PCNX1: variants seen among roughly 807,000 people sequenced by gnomAD.
The protein encoded by PCNX1 is pecanex-like protein 1.
In PCNX1, 78 loss-of-function variants were observed where a neutral mutation model predicts 242.2. The ratio of observed to expected loss-of-function variants is 0.32; its 90% CI spans 0.27 to 0.39. The LOEUF (loss-of-function observed/expected upper bound fraction) is 0.39. PCNX1 is among the 10% of genes least tolerant of loss of function. The pLI is 1.00. For missense variants in PCNX1, 2,581 were observed against 2,856.5 expected (o/e 0.90, Z 2.20); for synonymous variants, 1,024 against 1,032.9 (o/e 0.99, Z 0.17).
At position 71,110,579 on chromosome 14, in the gene PCNX1, CT is replaced by C. The variant is rs929796816; in HGVS notation, c.*647del. ...AATAAAATACCATTATTTAAATTGCCTTTGGGATTAGCCCCTTCCCTTTCCT... is the reference window on the plus strand; with the variant it reads ...AATAAAATACCATTATTTAAATTGCCTTGGGATTAGCCCCTTCCCTTTCCT... On this transcript the variant is annotated 3_prime_UTR_variant, in exon 36 of 36. Transcript: ENST00000304743. 1 of 152,784 alleles carries C rather than the reference CT, an allele frequency of 6.5e-6. No individual in the cohort carries two copies. The highest frequency in any genetic ancestry group is 2.4e-5 in the African/African-American group (1 of 41,416). 9.5% of individuals were successfully genotyped at this position (152,784 alleles called of 1,614,324 possible).
At chr14:70,976,520 T>C (rs1385767253) in intron 5 of PCNX1, among the ~76,000 whole-genome samples, 5 of 151,806 alleles carry the variant, frequency 3.3e-5, no homozygotes, top group South Asian at 2.1e-4. Flanking sequence ...CTACAGGCGC[T>C]CGCCACCACG....
chr14:70,991,465 A>G (rs1333930018), intron 7 of PCNX1, among the ~76,000 whole-genome samples: 1 of 152,138 alleles, frequency 6.6e-6, no homozygotes, highest in East Asian at 1.9e-4. Context: ...TGGCCTTTCA[A>G]AGTGCCGGGA....
chr14:70,928,811 A>G (rs1566578099), intron 1 of PCNX1, among the ~76,000 whole-genome samples: 1 of 152,204 alleles, frequency 6.6e-6, no homozygotes, highest in Non-Finnish European at 1.5e-5. Flanking sequence ...TATTTCTTTA[A>G]TATGCATACA....
chr14:70,914,030 C>G (rs565789505), intron 1 of PCNX1, among the ~76,000 whole-genome samples: 1 of 152,202 alleles, frequency 6.6e-6, no homozygotes, highest in East Asian at 1.9e-4. Context: ...AGATATAACT[C>G]TTATGTATTA....
At chr14:71,018,790 A>G (rs1228616489) in intron 11 of PCNX1, among the ~76,000 whole-genome samples, 2 of 152,180 alleles carry the variant, frequency 1.3e-5, no homozygotes, top group Non-Finnish European at 2.9e-5. Context: ...AAACTCCACA[A>G]TTCACTGTAG....
intron 1 of PCNX1, among the ~76,000 whole-genome samples, chr14:70,925,240 C>T (rs1306987838): frequency 6.6e-6 from 1 of 152,200 alleles, no homozygotes; most frequent in African/African-American, 2.4e-5. Context: ...CTGCCTGCTT[C>T]AGCCTCCCAA....
chr14:71,021,449 T>C (rs1044681125), intron 12 of PCNX1, among the ~76,000 whole-genome samples: 2 of 152,184 alleles, frequency 1.3e-5, no homozygotes, highest in Non-Finnish European at 2.9e-5. Flanking sequence ...CAGTGGTTTG[T>C]AGTTCTCCTT....
At chr14:71,049,116 A>G (rs1369188088) in intron 22 of PCNX1, 7 of 895,122 alleles carry the variant, frequency 7.8e-6, no homozygotes, top group Non-Finnish European at 9.4e-6. Context: ...TACTGGTTGG[A>G]AAAAAGTGAA....
intron 6 of PCNX1, among the ~76,000 whole-genome samples, chr14:70,982,654 T>C (rs1170621641): frequency 6.6e-6 from 1 of 152,226 alleles, no homozygotes; most frequent in East Asian, 1.9e-4. Flanking sequence ...AAAATTATCT[T>C]CCTTTACAAC....
rs78279687 is a variant in PCNX1 at position 71,017,239 on chromosome 14, A to G, written c.2997-1770A>G. Among the ~76,000 whole-genome samples, 1,736 of 152,312 alleles carry G rather than the reference A, an allele frequency of 0.011. 150 individuals are homozygous for G. The East Asian group carries it at 0.24, about 21-fold the overall frequency. On this transcript the variant is annotated intron_variant, in intron 11 of 35. Transcript: ENST00000304743. Reference sequence around the variant, plus strand: ...AATAAGTGGAAATTGTAGTTTAGAAACTTTCCCACAAAGAAAACTCTAGGC... The same window carrying G: ...AATAAGTGGAAATTGTAGTTTAGAAGCTTTCCCACAAAGAAAACTCTAGGC...
At chr14:70,999,948 T>A (rs144478267) in intron 8 of PCNX1, among the ~76,000 whole-genome samples, 1 of 152,264 alleles carries the variant, frequency 6.6e-6, no homozygotes, top group East Asian at 1.9e-4. Flanking sequence ...CTGTAAGGGA[T>A]CTTAGAGTTA....
At chr14:71,003,932 C>G (rs1408707302) in intron 8 of PCNX1, among the ~76,000 whole-genome samples, 1 of 152,138 alleles carries the variant, frequency 6.6e-6, no homozygotes, top group Non-Finnish European at 1.5e-5. Flanking sequence ...AAGACTTGTT[C>G]TAAATATTGA....
intron 1 of PCNX1, among the ~76,000 whole-genome samples, chr14:70,931,810 C>CA (rs1450712605): frequency 2.6e-5 from 4 of 152,270 alleles, no homozygotes; most frequent in African/African-American, 9.6e-5. Flanking sequence ...TCAGACCACA[C>CA]AAAGAGAAAC....
chr14:71,032,736 T>TA (rs1030631444), intron 16 of PCNX1, among the ~76,000 whole-genome samples: 1 of 152,234 alleles, frequency 6.6e-6, no homozygotes, highest in Non-Finnish European at 1.5e-5. Flanking sequence ...TAAGAACTGT[T>TA]ACCTGTTCCA....
intron 2 of PCNX1, among the ~76,000 whole-genome samples, chr14:70,949,088 G>GTA (rs549855706): frequency 6.9e-6 from 1 of 145,360 alleles, no homozygotes; most frequent in Admixed American, 6.9e-5. Flanking sequence ...ATATACATGT[G>GTA]TATATATACA....
chr14:70,983,693 A>G (rs1303829354), intron 6 of PCNX1, among the ~76,000 whole-genome samples: 1 of 151,568 alleles, frequency 6.6e-6, no homozygotes, highest in Non-Finnish European at 1.5e-5. Context: ...GATGGAAATT[A>G]TTTTAATTCA....
Position 71,089,212 on chromosome 14 carries a change from A to G in PCNX1, c.5459A>G (p.Tyr1820Cys), listed in dbSNP as rs374547725. 2.4e-5 allele frequency: 38 copies of G among 1,610,914 alleles called. No homozygotes were observed. The highest frequency in any genetic ancestry group is 4.5e-5 in the East Asian group (2 of 44,826). Residue 1820 changes from tyrosine to cysteine, a missense_variant, in exon 30 of 36, where the codon TAT becomes TGT. Tyr to Cys is a radical substitution (Grantham distance 194). Around this residue, in one of 9 missense-constraint regions of PCNX1, gnomAD observed 298 missense variants for 480.1 expected, o/e 0.62. Transcript: ENST00000304743. Reference protein sequence around the residue: ...HMSSNLESFLYGLHALFKGDF... With the variant: ...HMSSNLESFLCGLHALFKGDF... ...AACAGTAATTTAGAGTCATTCCTCT[A>G]TGGATTGCATGCCCTATTTAAAGGA...
intron 7 of PCNX1, among the ~76,000 whole-genome samples, chr14:70,993,251 G>C (rs1424567516): frequency 6.6e-6 from 1 of 151,050 alleles, no homozygotes. Flanking sequence ...CTCCCTAGTA[G>C]CTGGGATTAC....
At position 71,051,914 on chromosome 14, in the gene PCNX1, C is replaced by T; in HGVS notation, c.4479C>T (p.Val1493=). Reference sequence around the variant, plus strand: ...CCATGCTGTTTATTCAGGCTGCTGTCTCGGCCTTCTTCTCTACTCCACTGA... The same window carrying T: ...CCATGCTGTTTATTCAGGCTGCTGTTTCGGCCTTCTTCTCTACTCCACTGA... ...HSAMLFIQAA[V]SAFFSTPLNP... Residue 1493 remains valine, a synonymous_variant, in exon 24 of 36, where the codon GTC becomes GTT. Coordinates refer to ENST00000304743, the MANE Select transcript of PCNX1 (RefSeq NM_014982.3). 1 of 1,613,696 alleles carries T rather than the reference C, an allele frequency of 6.2e-7. No individual in the cohort carries two copies. Among genetic ancestry groups the T allele is most frequent in the Non-Finnish European group, 8.5e-7 (1 of 1,179,690 alleles).
Sources: allele counts gnomAD v4.1 joint callset (sites outside exome capture counted in the v4.1 genomes callset), GRCh38; gene constraint gnomAD v4.1.1; regional missense constraint gnomAD v4.1.1; transcripts MANE v1.5; gene names NCBI Gene and HGNC (gene_info 2026-07-23, HGNC 2026-07-21).